The following DDX42 variants were observed in gnomAD, a reference collection of about 807,000 sequenced individuals.
DDX42 encodes the protein DEAD-box helicase 42, also known as ATP-dependent RNA helicase DDX42.
Under a neutral mutation model 101.5 loss-of-function variants are expected in DDX42, and 22 were observed. The observed-to-expected ratio is 0.22, with a 90% CI of 0.15 to 0.31. DDX42 has a LOEUF of 0.31. Ranked by LOEUF, DDX42 falls within the 10% of genes least tolerant of loss-of-function variation. The pLI is 1.00. For missense variants in DDX42, 849 were observed against 1,199.9 expected (o/e 0.71, Z 4.32); for synonymous variants, 402 against 401.2 (o/e 1.00, Z -0.02).
intron 6 of DDX42, among the ~76,000 whole-genome samples, chr17:63,804,657 G>A (rs559066142): frequency 2.6e-5 from 4 of 152,110 alleles, no homozygotes; most frequent in African/African-American, 7.2e-5. Flanking sequence ...GTTCAAATTC[G>A]AGGTTTCCTT....
Position 63,818,129 on chromosome 17 carries a change from A to G in DDX42, c.2548A>G (p.Ser850Gly), listed in dbSNP as rs1350653931. ...AGATGGATACCGCCATCCAGAAAGC[A>G]GCAGCCGTCATACTGATGGCCATCG... ...HGDGYRHPES[S>G]SRHTDGHRHG... Residue 850 changes from serine (S) to glycine (G), a missense_variant, in exon 18 of 18, where the codon AGC (serine) becomes GGC (glycine). Around this residue, in one of 5 missense-constraint regions of DDX42, gnomAD observed 300 missense variants for 304.9 expected, o/e 0.98. Coordinates refer to ENST00000389924, the MANE Select transcript of DDX42 (RefSeq NM_203499.3). 2.9e-5 allele frequency: 46 copies of G among 1,613,918 alleles called. No homozygotes were observed. The highest frequency in any genetic ancestry group is 3.7e-5 in the Non-Finnish European group (44 of 1,180,038).
intron 6 of DDX42, 80 bp downstream of exon 6, chr17:63,800,697 A>G (rs2144563390): frequency 1.3e-6 from 2 of 1,528,306 alleles, no homozygotes. Flanking sequence ...TTTTCTCAGT[A>G]GTGGAATACT....
chr17:63,810,827 CAGTACAGATCTGCTGAT>C (rs2039900920), intron 12 of DDX42, among the ~76,000 whole-genome samples: 1 of 152,150 alleles, frequency 6.6e-6, no homozygotes, highest in Non-Finnish European at 1.5e-5. Flanking sequence ...AAGCAGTGTA[CAGTACAGATCTGCTGAT>C]TTGAAATCAA....
At chr17:63,812,307 G>A in intron 14 of DDX42, 99 bp downstream of exon 14, 1 of 1,456,134 alleles carries the variant, frequency 6.9e-7, no homozygotes, top group Non-Finnish European at 9.1e-7. Context: ...CTGATGGAAA[G>A]ACTGTTGGCC....
intron 3 of DDX42, among the ~76,000 whole-genome samples, chr17:63,796,546 C>T (rs1470259582): frequency 3.3e-5 from 5 of 152,244 alleles, no homozygotes; most frequent in African/African-American, 9.6e-5. Flanking sequence ...GAACTCCTGA[C>T]CTCAGGTGAT....
At chr17:63,802,322 C>T (rs971439630) in intron 6 of DDX42, among the ~76,000 whole-genome samples, 1 of 152,126 alleles carries the variant, frequency 6.6e-6, no homozygotes, top group Non-Finnish European at 1.5e-5. Context: ...TGTTGCATAC[C>T]AAAATATGAT....
chr17:63,811,541 C>G (rs2039910307), intron 13 of DDX42: 1 of 366,692 alleles, frequency 2.7e-6, no homozygotes, highest in Admixed American at 4.3e-5. Flanking sequence ...GGGGCCTACG[C>G]AGGAGGGAAA....
intron 17 of DDX42, 127 bp downstream of exon 17, chr17:63,817,093 C>T: frequency 1.4e-6 from 1 of 694,426 alleles, no homozygotes; most frequent in East Asian, 2.8e-5. Flanking sequence ...CTTCACGCTG[C>T]TTGGATTTTG....
At chr17:63,789,706 T>C (rs949258056) in intron 2 of DDX42, among the ~76,000 whole-genome samples, 2 of 151,596 alleles carry the variant, frequency 1.3e-5, no homozygotes, top group African/African-American at 4.9e-5. Flanking sequence ...CCTTAGTAGC[T>C]GGGATTACAG....
At position 63,813,328 on chromosome 17, in the gene DDX42, G is replaced by A. The variant is rs762107116; in HGVS notation, c.1776G>A (p.Ala592=). The A allele has an allele frequency of 1.2e-5, 19 of 1,614,200 alleles. No homozygotes were observed. The highest frequency in any genetic ancestry group is 4.5e-5 in the East Asian group (2 of 44,886). ...HTHRIGRTGR[A]GEKGVAYTLL... ...ATAGGATTGGCCGCACAGGAAGAGC[G>A]GGTGAGAAAGGTGTGGCCTATACCC... The change falls in exon 15 of 18, where the codon GCG becomes GCA. Residue 592 remains alanine (A), a synonymous_variant. Transcript: ENST00000389924.
At chr17:63,789,571 GTTTTTTTTTTT>G (rs538515067) in intron 2 of DDX42, among the ~76,000 whole-genome samples, 1 of 45,680 alleles carries the variant, frequency 2.2e-5, no homozygotes, top group Non-Finnish European at 4.2e-5. Context: ...TTTTGTTTTT[GTTTTTTTTTTT>G]TTTTTTTTGA....
intron 1 of DDX42, chr17:63,775,282 G>A (rs1598317402): frequency 6.6e-6 from 1 of 152,596 alleles, no homozygotes; most frequent in South Asian, 2.1e-4. Context: ...GTAGCCTAAT[G>A]TGCAATTCGT....
chr17:63,817,859 G>A lies in DDX42; in HGVS notation c.2278G>A (p.Ala760Thr), dbSNP rs372074381. ...TCCTGACAGCCCCGTCACCAGTGCC[G>A]CCAAGGGCATCCCAGGCTTTGGCAA... ...NSPDSPVTSA[A>T]KGIPGFGNTG... is the part of the protein sequence containing the mutation. Residue 760 changes from alanine (A) to threonine (T), a missense_variant, in exon 18 of 18, where the codon GCC (alanine) becomes ACC (threonine). By Grantham distance (58) the Ala-to-Thr change is moderately conservative. Transcript: ENST00000389924. 8.7e-6 allele frequency: 14 copies of A among 1,614,052 alleles called. No individual in the cohort carries two copies. Among genetic ancestry groups the A allele is most frequent in the South Asian group, 4.4e-5 (4 of 91,074 alleles).
At position 63,817,919 on chromosome 17, in the gene DDX42, C is replaced by G; in HGVS notation, c.2338C>G (p.Pro780Ala). 1 of 1,614,192 alleles carries G rather than the reference C, an allele frequency of 6.2e-7. No individual in the cohort carries two copies. Residue 780 changes from proline to alanine, a missense_variant, in exon 18 of 18, where the codon CCG (proline) becomes GCG (alanine). By Grantham distance (27) the Pro-to-Ala change is conservative. Around this residue, in one of 5 missense-constraint regions of DDX42, gnomAD observed 300 missense variants for 304.9 expected, o/e 0.98. Transcript: ENST00000389924. Reference sequence around the variant, plus strand: ...CATCAGTGGTGCCCCTGTGACCTACCCGTCTGCCGGAGCCCAAGGAGTCAA... The same window carrying G: ...CATCAGTGGTGCCCCTGTGACCTACGCGTCTGCCGGAGCCCAAGGAGTCAA... ...GNISGAPVTY[P>A]SAGAQGVNNT...
intron 1 of DDX42, among the ~76,000 whole-genome samples, chr17:63,777,385 A>G (rs2039433378): frequency 6.6e-6 from 1 of 152,174 alleles, no homozygotes; most frequent in South Asian, 2.1e-4. Context: ...TCAGCCATGA[A>G]TCCTATAATA....
chr17:63,808,030 T>A (rs2039863325), intron 9 of DDX42, 130 bp downstream of exon 9: 1 of 838,112 alleles, frequency 1.2e-6, no homozygotes, highest in Non-Finnish European at 1.8e-6. Flanking sequence ...TTGATTATCT[T>A]AACCATTTTT....
intron 9 of DDX42, among the ~76,000 whole-genome samples, chr17:63,808,574 A>G (rs2039870908): frequency 6.6e-6 from 1 of 152,220 alleles, no homozygotes; most frequent in African/African-American, 2.4e-5. Context: ...TTATCTTGGT[A>G]GAAAAGCAGT....
intron 1 of DDX42, 125 bp from the exon 2 acceptor site, chr17:63,786,909 C>G (rs762350245): frequency 5.6e-6 from 5 of 887,182 alleles, no homozygotes; most frequent in Middle Eastern, 3.3e-4. Context: ...AACTCCTGAC[C>G]TCATGGTCCA....
In DDX42 at chr17:63,819,175, T is replaced by C. The variant is rs1399878371; in HGVS notation, c.*777T>C. The C allele has an allele frequency of 1.3e-5, 2 of 152,658 alleles. No individual in the cohort carries two copies. Among genetic ancestry groups the C allele is most frequent in the African/African-American group, 4.8e-5 (2 of 41,456 alleles). 9.5% of individuals were successfully genotyped at this position (152,658 alleles called of 1,614,324 possible). On this transcript the variant is annotated 3_prime_UTR_variant, in exon 18 of 18. Transcript: ENST00000389924. ...CCCCAATGATAGAAAAGTCTTTTGCTGAAATGATTTTGATGATTTTTGTTT... is the reference window on the plus strand; with the variant it reads ...CCCCAATGATAGAAAAGTCTTTTGCCGAAATGATTTTGATGATTTTTGTTT...
Sources: gnomAD v4.1 joint callset for allele counts (sites outside exome capture counted in the v4.1 genomes callset) on GRCh38, gnomAD v4.1.1 for gene constraint, gnomAD v4.1.1 regional missense constraint, MANE v1.5 for transcripts, NCBI Gene and HGNC (gene_info 2026-07-23, HGNC 2026-07-21) for gene names.